MTUS1: variants seen among roughly 807,000 people sequenced by gnomAD.
MTUS1 encodes microtubule-associated tumor suppressor 1.
Under a neutral mutation model 120.8 loss-of-function variants are expected in MTUS1, and 109 were observed. The observed-to-expected ratio is 0.90, with a 90% CI of 0.77 to 1.06. The LOEUF is 1.06. MTUS1 is among the 50% of genes least tolerant of loss of function. MTUS1 has a pLI of 0.00. For synonymous variants in MTUS1, 737 were observed against 550.5 expected (o/e 1.34, Z -4.74); for missense variants, 2,210 against 1,486.3 (o/e 1.49, Z -8.01).
intron 1 of MTUS1, among the ~76,000 whole-genome samples, chr8:17,771,895 T>C (rs2050051344): frequency 6.6e-6 from 1 of 152,216 alleles, no homozygotes; most frequent in African/African-American, 2.4e-5. Flanking sequence ...CGATTTCTAC[T>C]AGTGTCTACT....
intron 3 of MTUS1, among the ~76,000 whole-genome samples, chr8:17,724,672 C>G (rs974978828): frequency 1.3e-5 from 2 of 152,152 alleles, no homozygotes; most frequent in African/African-American, 4.8e-5. Flanking sequence ...CTGATGCTCA[C>G]GAACCTGCTA....
intron 1 of MTUS1, among the ~76,000 whole-genome samples, chr8:17,758,511 A>G (rs2048796208): frequency 6.6e-6 from 1 of 152,270 alleles, no homozygotes; most frequent in Non-Finnish European, 1.5e-5. Flanking sequence ...AAAAGCTTTT[A>G]TGAAACATAA....
chr8:17,682,921 AAAAC>A (rs1166248409), intron 7 of MTUS1, among the ~76,000 whole-genome samples: 6 of 47,674 alleles, frequency 1.3e-4, no homozygotes, highest in South Asian at 9.7e-4. Context: ...CCCCTCAAAA[AAAAC>A]AAAAACAAAA....
At chr8:17,652,765 G>A (rs768017747) in intron 12 of MTUS1, among the ~76,000 whole-genome samples, 1 of 151,762 alleles carries the variant, frequency 6.6e-6, no homozygotes, top group African/African-American at 2.4e-5. Context: ...GAACCCAGGA[G>A]GTGGACGTTG....
At chr8:17,776,869 G>A (rs891287701) in intron 1 of MTUS1, among the ~76,000 whole-genome samples, 7 of 151,890 alleles carry the variant, frequency 4.6e-5, no homozygotes, top group East Asian at 3.9e-4. Context: ...AAATATATGC[G>A]TAATACTCCC....
At chr8:17,726,907 G>A (rs1463325946) in intron 3 of MTUS1, among the ~76,000 whole-genome samples, 1 of 152,188 alleles carries the variant, frequency 6.6e-6, no homozygotes, top group Non-Finnish European at 1.5e-5. Flanking sequence ...TTGGAAATCA[G>A]CTTATTCTTC....
chr8:17,769,829 TCAAG>T (rs1434395222), intron 1 of MTUS1, among the ~76,000 whole-genome samples: 7 of 144,164 alleles, frequency 4.9e-5, no homozygotes, highest in Non-Finnish European at 9.0e-5. Flanking sequence ...TCATAAGCAC[TCAAG>T]CAGTTTCAGT....
chr8:17,720,182 T>TA (rs1315244423), intron 4 of MTUS1, among the ~76,000 whole-genome samples: 7 of 151,838 alleles, frequency 4.6e-5, no homozygotes, highest in African/African-American at 1.5e-4. Flanking sequence ...CCATCTCTAC[T>TA]AAAAATACAA....
intron 6 of MTUS1, among the ~76,000 whole-genome samples, chr8:17,707,071 G>T (rs766197149): frequency 2.0e-5 from 3 of 152,120 alleles, no homozygotes; most frequent in Non-Finnish European, 4.4e-5. Flanking sequence ...ATAGTACAAC[G>T]ATTAAAAATT....
At chr8:17,653,307 T>G in intron 11 of MTUS1, 26 bp from the exon 12 acceptor site, 2 of 1,503,050 alleles carry the variant, frequency 1.3e-6, no homozygotes, top group Non-Finnish European at 1.8e-6. Flanking sequence ...ATGTGGAACT[T>G]AAGTTAACAA....
At chr8:17,667,635 A>G (rs76725508) in intron 8 of MTUS1, among the ~76,000 whole-genome samples, 2,660 of 152,310 alleles carry the variant, frequency 0.017, 85 homozygotes, top group African/African-American at 0.061. Context: ...AAATATTCCA[A>G]AAGTAGCTAT....
At chr8:17,745,165 G>T (rs2047648497) in intron 2 of MTUS1, among the ~76,000 whole-genome samples, 1 of 152,132 alleles carries the variant, frequency 6.6e-6, no homozygotes, top group African/African-American at 2.4e-5. Context: ...CTTCCTTGTG[G>T]TATTAGCTAC....
intron 8 of MTUS1, 62 bp downstream of exon 8, chr8:17,675,124 C>T: frequency 6.2e-7 from 1 of 1,606,660 alleles, no homozygotes; most frequent in Non-Finnish European, 8.5e-7. Flanking sequence ...GACAGGACAA[C>T]CACATTTTCC....
At chr8:17,769,227 T>C (rs974590859) in intron 1 of MTUS1, among the ~76,000 whole-genome samples, 6 of 119,016 alleles carry the variant, frequency 5.0e-5, no homozygotes, top group Non-Finnish European at 8.6e-5. Context: ...AAAATGCTTT[T>C]ATTCCTTTTT....
chr8:17,707,193 A>G (rs1367943747), intron 6 of MTUS1, among the ~76,000 whole-genome samples: 3 of 152,246 alleles, frequency 2.0e-5, no homozygotes, highest in African/African-American at 7.2e-5. Context: ...CAGTCACAGA[A>G]TATCACAGTA....
chr8:17,754,575 C>T lies in MTUS1; in HGVS notation c.1233G>A (p.Leu411=), dbSNP rs1391157603. The T allele has an allele frequency of 1.2e-6, 2 of 1,614,082 alleles. No homozygotes were observed. The highest frequency in any genetic ancestry group is 8.5e-7 in the Non-Finnish European group (1 of 1,180,036). The change falls in exon 2 of 15, where the codon CTG becomes CTA. Residue 411 remains leucine, a synonymous_variant. Transcript: ENST00000693296. Reference sequence around the variant, plus strand: ...TGACCATATCATTTGCATCCCAAGTCAGTCCAAATGACGAGCCCACCTTTT... The same window carrying T: ...TGACCATATCATTTGCATCCCAAGTTAGTCCAAATGACGAGCCCACCTTTT... ...PGQKVGSSFG[L]TWDANDMVIS... is the part of the protein sequence containing the mutation.
intron 6 of MTUS1, chr8:17,697,299 G>A (rs1201823781): frequency 6.2e-7 from 1 of 1,614,044 alleles, no homozygotes; most frequent in Non-Finnish European, 8.5e-7. Context: ...CCTGAAGGAA[G>A]TCGAAGGTTT....
intron 9 of MTUS1, 158 bp from the exon 10 acceptor site, chr8:17,654,824 C>G (rs920138347): frequency 3.3e-6 from 2 of 611,842 alleles, no homozygotes; most frequent in Non-Finnish European, 5.8e-6. Context: ...GGCAGTGGTT[C>G]ACACTTGTAA....
intron 3 of MTUS1, among the ~76,000 whole-genome samples, chr8:17,724,769 T>C (rs1342235862): frequency 1.3e-5 from 2 of 152,204 alleles, no homozygotes; most frequent in Non-Finnish European, 2.9e-5. Flanking sequence ...TTCTCTACTT[T>C]CCTCTAACCA....
Sources: allele counts gnomAD v4.1 joint callset (sites outside exome capture counted in the v4.1 genomes callset), GRCh38; gene constraint gnomAD v4.1.1; transcripts MANE v1.5; gene names NCBI Gene and HGNC (gene_info 2026-07-23, HGNC 2026-07-21).